Variants in UPRT observed in about 807,000 individuals in gnomAD.
UPRT encodes uracil phosphoribosyltransferase homolog.
In UPRT, 5 loss-of-function variants were observed where a neutral mutation model predicts 22.6. That is an observed-to-expected ratio of 0.22 (90% CI 0.12 to 0.47). UPRT has a LOEUF of 0.47. Ranked by LOEUF, UPRT falls within the 20% of genes least tolerant of loss-of-function variation. The pLI is 0.99. For synonymous variants in UPRT, 77 were observed against 87.7 expected (o/e 0.88, Z 0.68); for missense variants, 181 against 239.9 (o/e 0.75, Z 1.62).
chrX:75,252,517 G>C (rs998648398), intron 4 of UPRT, among the ~76,000 whole-genome samples: 5 of 112,244 alleles, frequency 4.5e-5, no homozygotes, highest in Admixed American at 9.4e-5. Context: ...AGTTAGAATG[G>C]CGATCATTAA....
chrX:75,237,139 G>T (rs774922142), intron 4 of UPRT, among the ~76,000 whole-genome samples: 2 of 112,119 alleles, frequency 1.8e-5, no homozygotes, highest in South Asian at 7.4e-4. Flanking sequence ...GTGAGTAAAG[G>T]ACATGAACAG....
chrX:75,284,455 G>C (rs1230673530), intron 1 of UPRT, among the ~76,000 whole-genome samples: 1 of 111,765 alleles, frequency 8.9e-6, no homozygotes. Flanking sequence ...AGGGCCAAAG[G>C]CTGTTGTTCA....
At chrX:75,186,797 G>T (rs1040897687) in intron 4 of UPRT, among the ~76,000 whole-genome samples, 1 of 111,200 alleles carries the variant, frequency 9.0e-6, no homozygotes, top group Admixed American at 9.5e-5. Context: ...TGTCTCTTTC[G>T]ATCTTTGTTG....
upstream of UPRT, among the ~76,000 whole-genome samples, chrX:75,269,261 C>T (rs1042848347): frequency 5.4e-5 from 6 of 111,793 alleles, no homozygotes; most frequent in South Asian, 1.1e-3. Context: ...AGAGAGAACA[C>T]GAACAAATGG....
intron 4 of UPRT, among the ~76,000 whole-genome samples, chrX:75,203,481 G>GACACAC (rs56145702): frequency 3.3e-5 from 3 of 91,267 alleles, no homozygotes; most frequent in Admixed American, 1.2e-4. Flanking sequence ...AAGGGTTAAA[G>GACACAC]ACACACACAC....
At chrX:75,246,055 C>A (rs1374737753) in intron 4 of UPRT, among the ~76,000 whole-genome samples, 1 of 111,497 alleles carries the variant, frequency 9.0e-6, no homozygotes, top group African/African-American at 3.3e-5. Flanking sequence ...GTTTCAAATA[C>A]TAAATGAATC....
At chrX:75,184,242 G>A (rs1215847729) in intron 4 of UPRT, among the ~76,000 whole-genome samples, 1 of 112,004 alleles carries the variant, frequency 8.9e-6, no homozygotes, top group African/African-American at 3.2e-5. Flanking sequence ...TTCTACATCT[G>A]GCTTGCCAGT....
intron 2 of UPRT, among the ~76,000 whole-genome samples, chrX:75,295,787 CT>C (rs983952589): frequency 1.2e-4 from 13 of 111,700 alleles, no homozygotes; most frequent in African/African-American, 4.2e-4. Flanking sequence ...TGATATGAGC[CT>C]TTTCTTTAGC....
At chrX:75,188,969 C>T (rs2082305478) in intron 4 of UPRT, among the ~76,000 whole-genome samples, 1 of 112,163 alleles carries the variant, frequency 8.9e-6, no homozygotes, top group African/African-American at 3.2e-5. Flanking sequence ...GCAGAAATCA[C>T]CCATCTTCTG....
chrX:75,254,118 A>T (rs925696675), intron 4 of UPRT, among the ~76,000 whole-genome samples: 2 of 111,727 alleles, frequency 1.8e-5, no homozygotes, highest in Non-Finnish European at 3.8e-5. Flanking sequence ...AAGTAGGGGA[A>T]AAAGGAAAGC....
intron 1 of UPRT, among the ~76,000 whole-genome samples, chrX:75,275,400 G>T (rs2082627341): frequency 9.0e-6 from 1 of 111,608 alleles, no homozygotes; most frequent in South Asian, 3.8e-4. Flanking sequence ...TTCTTTATTG[G>T]CAGCACTTTA....
Position 75,300,789 on chromosome X carries a change from C to T in UPRT, c.725-78C>T, listed in dbSNP as rs1192854617. Reference sequence around the variant, plus strand: ...GTGACAGAGTGATTCCCTGTCCCCCCTCCCCCAAAAAAAGAAAAAAGACAT... The same window carrying T: ...GTGACAGAGTGATTCCCTGTCCCCCTTCCCCCAAAAAAAGAAAAAAGACAT... On this transcript the variant is annotated intron_variant, in intron 5 of 6. Transcript: ENST00000373383. 6.2e-6 allele frequency: 5 copies of T among 812,634 alleles called. No individual in the cohort carries two copies. In the South Asian group the frequency reaches 7.6e-5, roughly 12 times the overall value. 67.0% of individuals were successfully genotyped at this position (812,634 alleles called of 1,213,427 possible).
Position 75,296,386 on chromosome X carries a change from A to G in UPRT, c.474A>G (p.Lys158=). ...VEEGLNQLPY[K]ECMVTTPTGY... is the part of the protein sequence containing the mutation. Reference sequence around the variant, plus strand: ...AGGGATTGAATCAGCTGCCATATAAAGAATGCATGGTGACCACTCCAACAG... The same window carrying G: ...AGGGATTGAATCAGCTGCCATATAAGGAATGCATGGTGACCACTCCAACAG... Residue 158 remains lysine (K), a synonymous_variant, in exon 3 of 7, where the codon AAA becomes AAG. Coordinates refer to ENST00000373383, the MANE Select transcript of UPRT (RefSeq NM_145052.4). 1.7e-6 allele frequency: 2 copies of G among 1,210,881 alleles called. No homozygotes were observed. Among genetic ancestry groups the G allele is most frequent in the Non-Finnish European group, 1.1e-6 (1 of 894,847 alleles).
At chrX:75,245,583 C>T (rs1468646564) in intron 4 of UPRT, among the ~76,000 whole-genome samples, 2 of 112,336 alleles carry the variant, frequency 1.8e-5, no homozygotes, top group East Asian at 2.8e-4. Flanking sequence ...AAATGTGGTA[C>T]ATACACACTA....
intron 4 of UPRT, among the ~76,000 whole-genome samples, chrX:75,298,536 GT>G (rs755861292): frequency 1.8e-5 from 2 of 110,952 alleles, no homozygotes; most frequent in South Asian, 3.8e-4. Flanking sequence ...TAAGATTTAT[GT>G]TTTTTTTGCA....
chrX:75,298,861 T>A (rs1412078291), intron 4 of UPRT, among the ~76,000 whole-genome samples: 1 of 112,386 alleles, frequency 8.9e-6, no homozygotes, highest in Non-Finnish European at 1.9e-5. Flanking sequence ...ACCCTTAGTA[T>A]GTACTAGATG....
chrX:75,262,854 T>C (rs1471989045), intron 4 of UPRT, among the ~76,000 whole-genome samples: 2 of 111,141 alleles, frequency 1.8e-5, no homozygotes, highest in African/African-American at 3.3e-5. Context: ...ACAAAAATAG[T>C]GGGAGACTTT....
chrX:75,180,224 C>T (rs1242225413), intron 4 of UPRT, among the ~76,000 whole-genome samples: 1 of 112,337 alleles, frequency 8.9e-6, no homozygotes, highest in Admixed American at 9.4e-5. Flanking sequence ...TTTCCCAGTT[C>T]CTCTGTCAGC....
intron 4 of UPRT, among the ~76,000 whole-genome samples, chrX:75,236,597 A>C (rs186023143): frequency 3.0e-3 from 335 of 112,141 alleles, no homozygotes; most frequent in Non-Finnish European, 5.1e-3. Flanking sequence ...GTACCAAAAA[A>C]AAGATATAGA....
Sources: gnomAD v4.1 joint callset for allele counts (sites outside exome capture counted in the v4.1 genomes callset) on GRCh38, gnomAD v4.1.1 for gene constraint, MANE v1.5 for transcripts, NCBI Gene and HGNC (gene_info 2026-07-23, HGNC 2026-07-21) for gene names.